The following CENPP variants were observed in gnomAD, a reference collection of about 807,000 sequenced individuals.
CENPP encodes the protein centromere protein P.
CENPP carries 24 observed loss-of-function variants against 35.6 expected under a neutral mutation model. That is an observed-to-expected ratio of 0.67 (90% CI 0.49 to 0.95). The LOEUF (loss-of-function observed/expected upper bound fraction) is 0.95. Among genes scored for constraint, CENPP ranks in the 40% least tolerant of loss-of-function variants. The pLI, the probability that CENPP is intolerant of heterozygous loss-of-function variation, is 0.00. For synonymous variants in CENPP, 120 were observed against 125.5 expected (o/e 0.96, Z 0.29); for missense variants, 332 against 345.3 (o/e 0.96, Z 0.31).
chr9:92,545,356 C>T (rs956417350), intron 5 of CENPP, among the ~76,000 whole-genome samples: 2 of 152,156 alleles, frequency 1.3e-5, no homozygotes, highest in African/African-American at 4.8e-5. Flanking sequence ...TGGCGGGCCC[C>T]GTACTGGGAG....
chr9:92,600,149 A>T, intron 5 of CENPP: 1 of 553,366 alleles, frequency 1.8e-6, no homozygotes, highest in Admixed American at 3.6e-5. Context: ...GTTTGCATTT[A>T]ATGTAATTTT....
chr9:92,492,750 T>G (rs754380726), intron 5 of CENPP, among the ~76,000 whole-genome samples: 1 of 152,268 alleles, frequency 6.6e-6, no homozygotes, highest in Non-Finnish European at 1.5e-5. Flanking sequence ...ACAGCTTGGT[T>G]CAGCAGGAGG....
At chr9:92,495,485 A>G (rs1452316116) in intron 5 of CENPP, 34 of 983,908 alleles carry the variant, frequency 3.5e-5, no homozygotes, top group Non-Finnish European at 3.9e-5. Flanking sequence ...CATTAGATTT[A>G]CCTTTACAAG....
At chr9:92,416,103 A>AT (rs1196539814) in intron 5 of CENPP, among the ~76,000 whole-genome samples, 3,200 of 128,208 alleles carry the variant, frequency 0.025, 105 homozygotes, top group African/African-American at 0.072. Flanking sequence ...TATTTATTTT[A>AT]TTTTTTTTTT....
In CENPP at chr9:92,474,041, C is replaced by T. The variant is rs577309318; in HGVS notation, c.564+94182C>T. Among the ~76,000 whole-genome samples the T allele has an allele frequency of 2.0e-5, 3 of 152,324 alleles. No individual in the cohort carries two copies. In the East Asian group the frequency reaches 5.8e-4, roughly 29 times the overall value. ...ATTCCCATTAAGTCCCGTCCTTGAA[C>T]GGGACATGGCTGTGCTCTTGAGTGC... On this transcript the variant is annotated intron_variant, in intron 5 of 7. Coordinates refer to ENST00000375587, the MANE Select transcript of CENPP (RefSeq NM_001012267.3).
intron 5 of CENPP, among the ~76,000 whole-genome samples, chr9:92,522,054 G>T (rs1237093368): frequency 3.9e-5 from 6 of 151,960 alleles, no homozygotes; most frequent in South Asian, 2.1e-4. Context: ...GTTGTTTTTG[G>T]TTTTTTGGGG....
At chr9:92,583,409 G>T (rs1290776269) in intron 5 of CENPP, among the ~76,000 whole-genome samples, 1 of 152,160 alleles carries the variant, frequency 6.6e-6, no homozygotes, top group African/African-American at 2.4e-5. Flanking sequence ...CCTAGTGCAA[G>T]CTTTGTACCT....
intron 5 of CENPP, among the ~76,000 whole-genome samples, chr9:92,382,282 T>C (rs995228616): frequency 2.0e-5 from 3 of 152,248 alleles, no homozygotes; most frequent in Admixed American, 6.5e-5. Flanking sequence ...ATGGGGTACA[T>C]AGTGGTGTTT....
intron 5 of CENPP, among the ~76,000 whole-genome samples, chr9:92,575,438 A>C (rs530013755): frequency 2.0e-5 from 3 of 152,348 alleles, no homozygotes; most frequent in East Asian, 3.9e-4. Context: ...CATTAAGTAC[A>C]TGAAGAGATG....
intron 1 of CENPP, among the ~76,000 whole-genome samples, chr9:92,330,551 C>G (rs145744889): frequency 6.6e-6 from 1 of 150,742 alleles, no homozygotes; most frequent in Non-Finnish European, 1.5e-5. Context: ...TTAAGCTGGC[C>G]GGAAAAGTCA....
At chr9:92,573,384 G>A (rs1850198903) in intron 5 of CENPP, among the ~76,000 whole-genome samples, 1 of 152,136 alleles carries the variant, frequency 6.6e-6, no homozygotes, top group African/African-American at 2.4e-5. Flanking sequence ...CTTTTTGCCT[G>A]GGTATCACCA....
intron 5 of CENPP, among the ~76,000 whole-genome samples, chr9:92,594,615 T>C (rs1427537809): frequency 2.0e-5 from 3 of 152,146 alleles, no homozygotes; most frequent in Non-Finnish European, 2.9e-5. Flanking sequence ...TTATTTCATT[T>C]TTCCTTAACC....
intron 5 of CENPP, chr9:92,493,965 T>C (rs1479937751): frequency 1.2e-6 from 1 of 853,898 alleles, no homozygotes; most frequent in Non-Finnish European, 1.8e-6. Context: ...CCGTTGAGGG[T>C]GGCCGTAGTC....
At chr9:92,497,780 G>T (rs527343910) in intron 5 of CENPP, among the ~76,000 whole-genome samples, 1 of 151,750 alleles carries the variant, frequency 6.6e-6, no homozygotes, top group African/African-American at 2.4e-5. Context: ...TGGGTCATGG[G>T]GGGCAAGTCA....
At chr9:92,547,016 A>T (rs1849478828) in intron 5 of CENPP, among the ~76,000 whole-genome samples, 1 of 152,200 alleles carries the variant, frequency 6.6e-6, no homozygotes, top group African/African-American at 2.4e-5. Context: ...ACTAATGAAC[A>T]TAGATTTTAA....
At chr9:92,363,036 G>C (rs1027383528) in intron 4 of CENPP, among the ~76,000 whole-genome samples, 14 of 152,220 alleles carry the variant, frequency 9.2e-5, no homozygotes, top group Admixed American at 9.2e-4. Flanking sequence ...GTCATTAAAA[G>C]ATTTTCCAGG....
rs374680906 is a variant in CENPP at position 92,416,995 on chromosome 9, C to G, written c.564+37136C>G. 1.4e-5 allele frequency: 22 copies of G among 1,613,940 alleles called. No individual in the cohort carries two copies. The East Asian group carries it at 4.7e-4, about 34-fold the overall frequency. Reference sequence around the variant, plus strand: ...AATTATAACAGAGATCAAGCATGGTCAAGTTTACTAGCCCATCCATAGCAT... The same window carrying G: ...AATTATAACAGAGATCAAGCATGGTGAAGTTTACTAGCCCATCCATAGCAT... On this transcript the variant is annotated intron_variant, in intron 5 of 7. Coordinates refer to ENST00000375587, the MANE Select transcript of CENPP (RefSeq NM_001012267.3).
chr9:92,556,014 T>A (rs1849716723), intron 5 of CENPP, among the ~76,000 whole-genome samples: 1 of 152,212 alleles, frequency 6.6e-6, no homozygotes, highest in South Asian at 2.1e-4. Context: ...GACTTTTTGA[T>A]GTGGGCGTTT....
At chr9:92,528,578 T>C (rs1249209607) in intron 5 of CENPP, among the ~76,000 whole-genome samples, 1 of 152,110 alleles carries the variant, frequency 6.6e-6, no homozygotes, top group Non-Finnish European at 1.5e-5. Flanking sequence ...AAAACAGGTC[T>C]CTGGAGCTTA....
Sources: allele counts gnomAD v4.1 joint callset (sites outside exome capture counted in the v4.1 genomes callset), GRCh38; gene constraint gnomAD v4.1.1; transcripts MANE v1.5; gene names NCBI Gene and HGNC (gene_info 2026-07-23, HGNC 2026-07-21).